The following TIAM1 variants were observed in gnomAD, a reference collection of about 807,000 sequenced individuals.
TIAM1 encodes the protein rho guanine nucleotide exchange factor TIAM1.
A neutral mutation model predicts 163.5 loss-of-function variants in TIAM1; 65 were observed. The observed-to-expected ratio is 0.40, with a 90% confidence interval of 0.33 to 0.49. The LOEUF (loss-of-function observed/expected upper bound fraction) is 0.49. TIAM1 is among the 20% of genes least tolerant of loss of function. The pLI is 0.77. For missense variants in TIAM1, 1,789 were observed against 2,044.7 expected, an observed-to-expected ratio of 0.87 and a Z score of 2.41; for synonymous variants, 833 against 810.1, an observed-to-expected ratio of 1.03 and a Z score of -0.48.
intron 4 of TIAM1, among the ~76,000 whole-genome samples, chr21:31,260,356 G>C (rs1014759442): frequency 5.9e-5 from 9 of 151,332 alleles, no homozygotes; most frequent in Admixed American, 5.9e-4. Flanking sequence ...TGGTGCCTCA[G>C]CCTCTCGAGT....
chr21:31,367,211 T>A (rs1213253501), intron 2 of TIAM1, among the ~76,000 whole-genome samples: 1 of 152,132 alleles, frequency 6.6e-6, no homozygotes, highest in Non-Finnish European at 1.5e-5. Flanking sequence ...GCAACTCACC[T>A]GGTTCATCCT....
At chr21:31,156,278 A>G (rs894342843) in intron 16 of TIAM1, among the ~76,000 whole-genome samples, 1 of 152,228 alleles carries the variant, frequency 6.6e-6, no homozygotes, top group Non-Finnish European at 1.5e-5. Flanking sequence ...CAGCTTATTC[A>G]TTGCTAGCAC....
At chr21:31,213,866 C>CAAAAAAAAAAAAAAAAAAAAAAAAA (rs35524539) in intron 9 of TIAM1, among the ~76,000 whole-genome samples, 1 of 54,878 alleles carries the variant, frequency 1.8e-5, no homozygotes, top group Non-Finnish European at 4.2e-5. Flanking sequence ...CTCATCTCTA[C>CAAAAAAAAAAAAAAAAAAAAAAAAA]AAAAAAAAAA....
upstream of TIAM1, among the ~76,000 whole-genome samples, chr21:31,345,932 C>T (rs142486758): frequency 4.8e-3 from 728 of 152,176 alleles, 7 homozygotes; most frequent in African/African-American, 0.016. Context: ...GCCTGGGTGA[C>T]GGAGTGAGAC....
intron 2 of TIAM1, among the ~76,000 whole-genome samples, chr21:31,359,801 AGAAAAAGGAAGGAAGG>A (rs1270718628): frequency 5.4e-5 from 7 of 130,474 alleles, no homozygotes; most frequent in African/African-American, 2.0e-4. Context: ...AGAAAAAGAA[AGAAAAAGGAAGGAAGG>A]AAGGAAGGAA....
intron 2 of TIAM1, among the ~76,000 whole-genome samples, chr21:31,306,611 G>A (rs533629850): frequency 1.5e-4 from 23 of 152,328 alleles, no homozygotes; most frequent in African/African-American, 2.6e-4. Flanking sequence ...ATCGTGGCCT[G>A]TGATGTGTCT....
At chr21:31,322,436 T>C (rs534259428) in intron 2 of TIAM1, among the ~76,000 whole-genome samples, 1 of 119,586 alleles carries the variant, frequency 8.4e-6, no homozygotes, top group African/African-American at 3.1e-5. Context: ...CTACTCACGA[T>C]ACCTCTATGG....
intron 2 of TIAM1, among the ~76,000 whole-genome samples, chr21:31,400,283 C>A (rs1569298644): frequency 1.3e-5 from 2 of 152,040 alleles, no homozygotes; most frequent in Non-Finnish European, 2.9e-5. Context: ...CCCACCACCA[C>A]ACCCGGCAAA....
At chr21:31,555,665 G>C (rs1055583874) in intron 1 of TIAM1, among the ~76,000 whole-genome samples, 2 of 152,134 alleles carry the variant, frequency 1.3e-5, no homozygotes, top group African/African-American at 2.4e-5. Flanking sequence ...TTCTAGGCAA[G>C]GCTTTGATGT....
chr21:31,320,113 C>G (rs539596743), intron 2 of TIAM1, among the ~76,000 whole-genome samples: 2 of 152,098 alleles, frequency 1.3e-5, no homozygotes, highest in African/African-American at 4.8e-5. Context: ...TGTATATAAA[C>G]ATATATATAA....
chr21:31,278,005 A>G (rs947022765), intron 2 of TIAM1, among the ~76,000 whole-genome samples: 1 of 152,204 alleles, frequency 6.6e-6, no homozygotes, highest in African/African-American at 2.4e-5. Flanking sequence ...CTATCTGTGT[A>G]TATTAAGGTG....
At chr21:31,397,213 G>A (rs974087445) in intron 2 of TIAM1, among the ~76,000 whole-genome samples, 32 of 152,214 alleles carry the variant, frequency 2.1e-4, no homozygotes, top group Admixed American at 1.8e-3. Context: ...CACTATGTTT[G>A]GCTCTGAAGA....
intron 2 of TIAM1, among the ~76,000 whole-genome samples, chr21:31,412,639 G>T (rs149852742): frequency 1.3e-5 from 2 of 151,750 alleles, no homozygotes; most frequent in African/African-American, 4.8e-5. Flanking sequence ...AAAATTAGCC[G>T]GGCATGATAG....
intron 2 of TIAM1, among the ~76,000 whole-genome samples, chr21:31,360,919 G>T (rs572277385): frequency 6.6e-6 from 1 of 152,166 alleles, no homozygotes; most frequent in Admixed American, 6.5e-5. Context: ...TTTTCTGAGG[G>T]CATAATGCAA....
At position 31,179,960 on chromosome 21, in the gene TIAM1, C is replaced by A. The variant is rs1333675202; in HGVS notation, c.2887+2461G>T. On this transcript the variant is annotated intron_variant, in intron 15 of 27. Coordinates refer to ENST00000541036, the MANE Select transcript of TIAM1 (RefSeq NM_001353694.2). ...TTGCTCTGTCGCCCAGGCTGAAGTG[C>A]AGTGGTGCAATCTCAGCTCACTGCA... Among the ~76,000 whole-genome samples, 12 of 142,752 alleles carry A rather than the reference C, an allele frequency of 8.4e-5. No individual in the cohort carries two copies. In the Admixed American group the frequency reaches 8.8e-4, roughly 10 times the overall value. The allele number at this position is 142,752 out of a possible 152,430, so 93.7% of individuals were successfully genotyped here.
At chr21:31,367,770 T>C (rs2076526223) in intron 2 of TIAM1, among the ~76,000 whole-genome samples, 1 of 152,192 alleles carries the variant, frequency 6.6e-6, no homozygotes, top group South Asian at 2.1e-4. Context: ...TCCTATTCGT[T>C]ACCTATTTGT....
intron 1 of TIAM1, among the ~76,000 whole-genome samples, chr21:31,513,705 C>G (rs1044449503): frequency 2.0e-5 from 3 of 152,138 alleles, no homozygotes; most frequent in African/African-American, 7.2e-5. Flanking sequence ...TCTAGACCTA[C>G]TTGTAAAAAT....
intron 25 of TIAM1, among the ~76,000 whole-genome samples, chr21:31,127,982 T>C (rs533671274): frequency 6.6e-6 from 1 of 152,290 alleles, no homozygotes; most frequent in East Asian, 1.9e-4. Context: ...GAAAATGGTA[T>C]ATCAAGAAGG....
intron 6 of TIAM1, among the ~76,000 whole-genome samples, chr21:31,237,318 G>A (rs1297795373): frequency 1.3e-5 from 2 of 152,168 alleles, no homozygotes; most frequent in Admixed American, 1.3e-4. Context: ...CCTTGTCCAG[G>A]GCATGTGGCC....
Sources: allele counts gnomAD v4.1 joint callset (sites outside exome capture counted in the v4.1 genomes callset), GRCh38; gene constraint gnomAD v4.1.1; transcripts MANE v1.5; gene names NCBI Gene and HGNC (gene_info 2026-07-23, HGNC 2026-07-21).